TAFA5: variants seen among roughly 807,000 people sequenced by gnomAD.
TAFA5 encodes chemokine-like protein TAFA-5.
Under a neutral mutation model 15.3 loss-of-function variants are expected in TAFA5, and 6 were observed. That is an observed-to-expected ratio of 0.39 (90% confidence interval 0.21 to 0.77). The LOEUF is 0.77. Ranked by LOEUF, TAFA5 falls within the 30% of genes least tolerant of loss-of-function variation. The pLI is 0.41. For synonymous variants in TAFA5, 103 were observed against 80.7 expected, an observed-to-expected ratio of 1.28 and a Z score of -1.48; for missense variants, 161 against 193.1, an observed-to-expected ratio of 0.83 and a Z score of 0.98.
chr22:48,556,518 A>T (rs133459), intron 1 of TAFA5, among the ~76,000 whole-genome samples: 119,378 of 152,278 alleles, frequency 0.78, 46,935 homozygotes, highest in Middle Eastern at 0.83. Flanking sequence ...CTGGAAGAGA[A>T]GCTTCTTGGC....
At chr22:48,664,630 TC>T (rs927554217) in intron 2 of TAFA5, among the ~76,000 whole-genome samples, 2 of 152,178 alleles carry the variant, frequency 1.3e-5, no homozygotes, top group African/African-American at 4.8e-5. Context: ...TCCCCTTGGC[TC>T]ACCAGAGCCC....
intron 1 of TAFA5, among the ~76,000 whole-genome samples, chr22:48,497,300 G>C (rs937647793): frequency 6.6e-6 from 1 of 152,192 alleles, no homozygotes; most frequent in Non-Finnish European, 1.5e-5. Flanking sequence ...CACGGGGCCC[G>C]GCAGGGTTCT....
chr22:48,621,530 A>T (rs1002918242), intron 1 of TAFA5, among the ~76,000 whole-genome samples: 1 of 151,940 alleles, frequency 6.6e-6, no homozygotes, highest in Non-Finnish European at 1.5e-5. Context: ...ATGCTTTGTG[A>T]GGTCTTCTCA....
chr22:48,733,750 A>G (rs1929932417), intron 3 of TAFA5, among the ~76,000 whole-genome samples: 1 of 152,092 alleles, frequency 6.6e-6, no homozygotes, highest in African/African-American at 2.4e-5. Flanking sequence ...AGGCCAAATC[A>G]GGCCCATCCG....
At chr22:48,735,520 A>G (rs1406722715) in intron 3 of TAFA5, among the ~76,000 whole-genome samples, 1 of 152,208 alleles carries the variant, frequency 6.6e-6, no homozygotes, top group Admixed American at 6.5e-5. Flanking sequence ...ACTCAGGTTC[A>G]TTTGTTTTCT....
intron 1 of TAFA5, among the ~76,000 whole-genome samples, chr22:48,611,536 G>A (rs992959592): frequency 5.9e-5 from 9 of 152,122 alleles, no homozygotes; most frequent in East Asian, 1.9e-4. Flanking sequence ...TTGGGGGCTC[G>A]GCCATGTGGA....
At chr22:48,701,786 G>T (rs1056160592) in intron 2 of TAFA5, among the ~76,000 whole-genome samples, 1 of 152,194 alleles carries the variant, frequency 6.6e-6, no homozygotes, top group Admixed American at 6.5e-5. Flanking sequence ...CCCGGCTCCT[G>T]CCCTCCCCTG....
chr22:48,547,907 C>G (rs1028024012), intron 1 of TAFA5, among the ~76,000 whole-genome samples: 3 of 152,178 alleles, frequency 2.0e-5, no homozygotes, highest in South Asian at 2.1e-4. Context: ...CATGGCTAAC[C>G]GGTGATAGCG....
At chr22:48,573,886 GCTCT>G (rs2147139825) in intron 1 of TAFA5, among the ~76,000 whole-genome samples, 2 of 152,274 alleles carry the variant, frequency 1.3e-5, no homozygotes, top group South Asian at 4.1e-4. Flanking sequence ...TCAAGGGCAG[GCTCT>G]CTCTCCTGAT....
intron 2 of TAFA5, among the ~76,000 whole-genome samples, chr22:48,687,206 G>A (rs1387280041): frequency 6.6e-6 from 1 of 151,598 alleles, no homozygotes; most frequent in Non-Finnish European, 1.5e-5. Context: ...GGATGGGTGG[G>A]TGGTGTATGG....
intron 3 of TAFA5, among the ~76,000 whole-genome samples, chr22:48,710,176 G>A (rs132242): frequency 0.7 from 105,727 of 151,990 alleles, 36,980 homozygotes; most frequent in Middle Eastern, 0.72. Context: ...CAGGGTTACC[G>A]TGGCAGACCT....
chr22:48,655,079 C>T (rs928662783), intron 2 of TAFA5, among the ~76,000 whole-genome samples: 1 of 152,172 alleles, frequency 6.6e-6, no homozygotes, highest in African/African-American at 2.4e-5. Context: ...GGGGAGGCCA[C>T]ACCCATCTGT....
At chr22:48,588,878 T>G (rs1462661002) in intron 1 of TAFA5, among the ~76,000 whole-genome samples, 1 of 152,072 alleles carries the variant, frequency 6.6e-6, no homozygotes, top group Non-Finnish European at 1.5e-5. Flanking sequence ...CTGGGTATAT[T>G]TAGAAGAGGT....
rs559837281 is a variant in TAFA5, at chr22:48,604,319, T to C, written c.113-42278T>C. 2.0e-5 allele frequency among the ~76,000 whole-genome samples: 3 copies of C among 152,346 alleles called. No individual in the cohort carries two copies. The East Asian group carries it at 5.8e-4, about 29-fold the overall frequency. ...AGGACCTTCAGTGCCCTGGAGTCAT[T>C]TGTGACATGGGCATGTCACCACTCA... On this transcript the variant is annotated intron_variant, in intron 1 of 3. Coordinates refer to ENST00000402357, the MANE Select transcript of TAFA5 (RefSeq NM_001082967.3).
chr22:48,587,961 G>C (rs1476228457), intron 1 of TAFA5, among the ~76,000 whole-genome samples: 1 of 152,206 alleles, frequency 6.6e-6, no homozygotes, highest in Non-Finnish European at 1.5e-5. Context: ...TCCCAGCTAG[G>C]CGGGCTCCTT....
chr22:48,719,408 A>C (rs1929501400), intron 3 of TAFA5, among the ~76,000 whole-genome samples: 1 of 152,188 alleles, frequency 6.6e-6, no homozygotes, highest in South Asian at 2.1e-4. Context: ...TGACTCAGGG[A>C]ACTGGAGGGA....
In TAFA5 at chr22:48,566,453, ATGGAGGGATGGATGT is replaced by A. The variant is rs559252589; in HGVS notation, c.112+76754_112+76768del. Among the ~76,000 whole-genome samples the A allele has an allele frequency of 1.4e-3, 212 of 151,424 alleles. 2 individuals carry two copies. Among genetic ancestry groups the A allele is most frequent in the African/African-American group, 4.9e-3 (201 of 41,262 alleles). On this transcript the variant is annotated intron_variant, in intron 1 of 3. Coordinates refer to ENST00000402357, the MANE Select transcript of TAFA5 (RefSeq NM_001082967.3). The surrounding 1 kb of genome is among the most constrained non-coding windows in gnomAD (Gnocchi z 4.5). ...TAGATGGGTGATGAATGATTGATTG[ATGGAGGGATGGATGT>A]TGGATGGGTGGATGACAGATGGATG...
At chr22:48,499,846 C>T (rs1028900661) in intron 1 of TAFA5, among the ~76,000 whole-genome samples, 5 of 152,124 alleles carry the variant, frequency 3.3e-5, no homozygotes, top group African/African-American at 9.7e-5. Context: ...TGGGCTGGGG[C>T]GTGGAGTGTG....
intron 2 of TAFA5, among the ~76,000 whole-genome samples, chr22:48,671,367 G>T (rs1185583817): frequency 1.3e-5 from 2 of 152,220 alleles, no homozygotes; most frequent in Non-Finnish European, 1.5e-5. Flanking sequence ...GGGCATTTCT[G>T]ACATCTGGGG....
Sources: gnomAD v4.1 joint callset for allele counts (sites outside exome capture counted in the v4.1 genomes callset) on GRCh38, gnomAD v4.1.1 for gene constraint, Gnocchi (gnomAD v3.1) non-coding constraint, MANE v1.5 for transcripts, NCBI Gene and HGNC (gene_info 2026-07-23, HGNC 2026-07-21) for gene names.